The following ANXA6 variants were observed in gnomAD, a reference collection of about 807,000 sequenced individuals.
The protein encoded by ANXA6 is 67 kDa calelectrin.
In ANXA6, 71 loss-of-function variants were observed where a neutral mutation model predicts 95.4. The ratio of observed to expected loss-of-function variants is 0.74; its 90% confidence interval spans 0.61 to 0.91. The LOEUF is 0.91. ANXA6 is among the 40% of genes least tolerant of loss of function. The pLI, the probability that ANXA6 is intolerant of heterozygous loss-of-function variation, is 0.00. For missense variants in ANXA6, 830 were observed against 876.4 expected, an observed-to-expected ratio of 0.95 and a Z score of 0.67; for synonymous variants, 289 against 315.9, an observed-to-expected ratio of 0.91 and a Z score of 0.90.
Position 151,122,170 on chromosome 5 carries a change from T to C in ANXA6, c.1324A>G (p.Lys442Glu). 1.3e-6 allele frequency: 2 copies of C among 1,596,200 alleles called. No homozygotes were observed. The highest frequency in any genetic ancestry group is 1.7e-6 in the Non-Finnish European group (2 of 1,173,908). Residue 442 changes from lysine (K) to glutamate (E), a missense_variant, in exon 17 of 26, where the codon AAG becomes GAG. Transcript: ENST00000354546. Reference protein sequence around the residue: ...LMMPPAHYDAKQLKKAMEGAG... With the variant: ...LMMPPAHYDAEQLKKAMEGAG... ...ACCTCCATGGCCTTCTTCAACTGCTTGGCATCGTAATGGGCCGGTGGCATC... is the reference window on the plus strand; with the variant it reads ...ACCTCCATGGCCTTCTTCAACTGCTCGGCATCGTAATGGGCCGGTGGCATC...
At chr5:151,104,029 A>G (rs1764623552) in intron 24 of ANXA6, among the ~76,000 whole-genome samples, 1 of 152,198 alleles carries the variant, frequency 6.6e-6, no homozygotes, top group African/African-American at 2.4e-5. Context: ...CCAATAACCA[A>G]TATCTTTAGA....
At chr5:151,103,790 C>T (rs1764615281) in intron 24 of ANXA6, 98 bp from the exon 25 acceptor site, 1 of 1,382,184 alleles carries the variant, frequency 7.2e-7, no homozygotes, top group East Asian at 2.6e-5. Flanking sequence ...CTCCCTTGTT[C>T]CTTCCAAAAA....
Position 151,129,389 on chromosome 5 carries a change from C to G in ANXA6, c.918+18G>C, listed in dbSNP as rs1222227848. On this transcript the variant is annotated intron_variant, in intron 12 of 25. Coordinates refer to ENST00000354546, the MANE Select transcript of ANXA6 (RefSeq NM_001155.5). Reference sequence around the variant, plus strand: ...AAAGCTCTTTGCTCCCTTCTCTGCCCCCATGAGCTCTGCTGACCTTGATCA... The same window carrying G: ...AAAGCTCTTTGCTCCCTTCTCTGCCGCCATGAGCTCTGCTGACCTTGATCA... 6.2e-7 allele frequency: 1 copy of G among 1,612,908 alleles called. No homozygotes were observed. Among genetic ancestry groups the G allele is most frequent in the South Asian group, 1.1e-5 (1 of 90,998 alleles).
rs1255605827 is a variant in ANXA6 at position 151,133,627 on chromosome 5, T to C, written c.547-440A>G. On this transcript the variant is annotated intron_variant, in intron 8 of 25. Transcript: ENST00000354546. ...AATCTTATAGGACTAGCATCACATA[T>C]CTGGTCCATAATCTTATGGGACTAG... Among the ~76,000 whole-genome samples, 11 of 152,222 alleles carry C rather than the reference T, an allele frequency of 7.2e-5. No individual in the cohort carries two copies. The East Asian group carries it at 2.1e-3, about 29-fold the overall frequency.
chr5:151,103,841 G>A (rs2113888835), intron 24 of ANXA6, 149 bp from the exon 25 acceptor site: 1 of 994,812 alleles, frequency 1.0e-6, no homozygotes, highest in Non-Finnish European at 1.4e-6. Context: ...AAACAGTCCT[G>A]ACCAAAATCC....
intron 21 of ANXA6, 58 bp downstream of exon 21, chr5:151,110,569 G>A: frequency 6.3e-7 from 1 of 1,595,474 alleles, no homozygotes; most frequent in South Asian, 1.1e-5. Flanking sequence ...GCTCGGCCCA[G>A]TAAAGGCGGA....
chr5:151,135,432 T>C (rs574789858), intron 7 of ANXA6, among the ~76,000 whole-genome samples: 3 of 152,260 alleles, frequency 2.0e-5, no homozygotes, highest in East Asian at 3.9e-4. Context: ...GTTATGGCAA[T>C]GAGAGGAACA....
chr5:151,105,484 C>T (rs1764672126), intron 23 of ANXA6, among the ~76,000 whole-genome samples, 181 bp from the exon 24 acceptor site: 1 of 152,172 alleles, frequency 6.6e-6, no homozygotes, highest in Admixed American at 6.5e-5. Context: ...CCTCCTCTGG[C>T]CCATCCTTAG....
chr5:151,142,910 C>T (rs1374266251), intron 2 of ANXA6, among the ~76,000 whole-genome samples: 2 of 152,212 alleles, frequency 1.3e-5, no homozygotes, highest in Admixed American at 6.5e-5. Context: ...CCTCTGCAGG[C>T]TAGCCTGTTG....
intron 23 of ANXA6, 125 bp from the exon 24 acceptor site, chr5:151,105,428 C>T: frequency 1.2e-6 from 1 of 811,700 alleles, no homozygotes; most frequent in Middle Eastern, 2.6e-4. Flanking sequence ...ATTGTCAACC[C>T]CAGGGTCATG....
chr5:151,116,839 C>A (rs1194562606), intron 20 of ANXA6, among the ~76,000 whole-genome samples: 2 of 152,180 alleles, frequency 1.3e-5, no homozygotes, highest in Non-Finnish European at 2.9e-5. Context: ...AAGTCATTTG[C>A]CCTTTCTGGA....
At chr5:151,128,375 G>T in intron 12 of ANXA6, 136 bp from the exon 13 acceptor site, 1 of 737,000 alleles carries the variant, frequency 1.4e-6, no homozygotes, top group Non-Finnish European at 2.3e-6. Flanking sequence ...GCCCTCCTGT[G>T]CTGGTTAATA....
At chr5:151,132,084 C>T in intron 10 of ANXA6, among the ~76,000 whole-genome samples, 1 of 152,156 alleles carries the variant, frequency 6.6e-6, no homozygotes, top group East Asian at 1.9e-4. Context: ...ACTCAGTTTC[C>T]TCATCTGTGA....
intron 5 of ANXA6, 48 bp downstream of exon 5, chr5:151,138,630 C>T: frequency 7.2e-7 from 1 of 1,396,962 alleles, no homozygotes; most frequent in Non-Finnish European, 1.0e-6. Context: ...AGAATCTTCC[C>T]ATTAACCACA....
chr5:151,131,283 C>T lies in ANXA6; in HGVS notation c.743G>A (p.Cys248Tyr). The change falls in exon 11 of 26, where the codon TGT becomes TAT. Residue 248 changes from cysteine to tyrosine, a missense_variant. Cys to Tyr is a radical substitution (Grantham distance 194, BLOSUM62 -2). Coordinates refer to ENST00000354546, the MANE Select transcript of ANXA6 (RefSeq NM_001155.5). ...AAAATATTCCGGGGTGCTCCGGATA[C>T]ACTTCACTGTGAAGAGGGAGGAAGA... ...FEKLMLAVVK[C>Y]IRSTPEYFAE... The T allele has an allele frequency of 2.5e-6, 4 of 1,613,986 alleles. No individual in the cohort carries two copies. The highest frequency in any genetic ancestry group is 3.4e-6 in the Non-Finnish European group (4 of 1,179,862).
At chr5:151,147,428 C>G (rs1766000821) in intron 2 of ANXA6, among the ~76,000 whole-genome samples, 1 of 152,200 alleles carries the variant, frequency 6.6e-6, no homozygotes, top group South Asian at 2.1e-4. Context: ...CCTGGGCCTT[C>G]CCCTGGAATC....
Position 151,126,420 on chromosome 5 carries a change from A to C in ANXA6, c.1038T>G (p.Ser346Arg). 6.2e-7 allele frequency: 1 copy of C among 1,610,502 alleles called. No homozygotes were observed. The highest frequency in any genetic ancestry group is 1.1e-5 in the South Asian group (1 of 90,134). The change falls in exon 14 of 26, where the codon AGT becomes AGG. Residue 346 changes from serine to arginine, a missense_variant. By Grantham distance (110) the Ser-to-Arg change is moderately radical. Coordinates refer to ENST00000354546, the MANE Select transcript of ANXA6 (RefSeq NM_001155.5). Reference protein sequence around the residue: ...AQVAYQMWELSAVARVELKGT... With the variant: ...AQVAYQMWELRAVARVELKGT... ...GTCTGACCTCTACTCGGGCCACTGC[A>C]CTAAGTTCCCACATCTGATAGGCCA... is the stretch of plus-strand genomic sequence containing the variant.
At chr5:151,139,036 A>G in intron 4 of ANXA6, 1 of 594,722 alleles carries the variant, frequency 1.7e-6, no homozygotes. Flanking sequence ...GCCCTGTGCC[A>G]CTTCCCCACC....
intron 2 of ANXA6, among the ~76,000 whole-genome samples, chr5:151,145,524 G>A (rs1048043877): frequency 1.3e-5 from 2 of 152,172 alleles, no homozygotes; most frequent in African/African-American, 4.8e-5. Context: ...TCCAAAAGGA[G>A]AGATAGGGAG....
Sources: allele counts gnomAD v4.1 joint callset (sites outside exome capture counted in the v4.1 genomes callset), GRCh38; gene constraint gnomAD v4.1.1; transcripts MANE v1.5; gene names NCBI Gene and HGNC (gene_info 2026-07-23, HGNC 2026-07-21).